TTC6: variants seen among roughly 807,000 people sequenced by gnomAD.
TTC6 encodes tetratricopeptide repeat domain 6, also known as tetratricopeptide repeat protein 6.
TTC6 carries 172 observed loss-of-function variants against 210.4 expected under a neutral mutation model. The observed-to-expected ratio is 0.82, with a 90% confidence interval of 0.72 to 0.93. The LOEUF is 0.93. Among genes scored for constraint, TTC6 ranks in the 40% least tolerant of loss-of-function variants. The pLI is 0.00. For missense variants in TTC6, 2,414 were observed against 2,318.1 expected, an observed-to-expected ratio of 1.04 and a Z score of -0.85; for synonymous variants, 804 against 819.6, an observed-to-expected ratio of 0.98 and a Z score of 0.32.
At chr14:37,747,164 T>C (rs568874093) in intron 10 of TTC6, among the ~76,000 whole-genome samples, 15 of 152,176 alleles carry the variant, frequency 9.9e-5, no homozygotes, top group African/African-American at 3.4e-4. Flanking sequence ...CTGGTGATAT[T>C]TGACAAATTT....
At chr14:37,627,770 G>A (rs1432855813) in intron 1 of TTC6, among the ~76,000 whole-genome samples, 1 of 151,666 alleles carries the variant, frequency 6.6e-6, no homozygotes, top group Non-Finnish European at 1.5e-5. Flanking sequence ...ACATATGTGT[G>A]CATGTGTCTT....
At chr14:37,769,999 T>G (rs1322300222) in intron 14 of TTC6, among the ~76,000 whole-genome samples, 1 of 152,164 alleles carries the variant, frequency 6.6e-6, no homozygotes, top group East Asian at 1.9e-4. Flanking sequence ...TCTGGTATGT[T>G]GTGTCTTTGT....
At chr14:37,684,550 G>A (rs1476226839) in intron 3 of TTC6, among the ~76,000 whole-genome samples, 1 of 152,148 alleles carries the variant, frequency 6.6e-6, no homozygotes, top group East Asian at 1.9e-4. Context: ...ATTGAAATGA[G>A]AAATGTTTCA....
At chr14:37,739,830 G>T (rs1418883751) in intron 10 of TTC6, among the ~76,000 whole-genome samples, 1 of 152,012 alleles carries the variant, frequency 6.6e-6, no homozygotes, top group Non-Finnish European at 1.5e-5. Context: ...AGATATTTAA[G>T]TATTTTTAAA....
At chr14:37,606,878 A>G (rs2095626138) in intron 2 of TTC6, 136 bp downstream of exon 2, 1 of 632,764 alleles carries the variant, frequency 1.6e-6, no homozygotes, top group South Asian at 7.0e-5. Context: ...TCTACAGGAA[A>G]GGCTGCCTAT....
At chr14:37,741,170 CTA>C (rs1230291853) in intron 10 of TTC6, among the ~76,000 whole-genome samples, 2 of 151,188 alleles carry the variant, frequency 1.3e-5, no homozygotes, top group Non-Finnish European at 2.9e-5. Flanking sequence ...TTAATTCAAA[CTA>C]ATTCACCACA....
chr14:37,744,560 C>T (rs944437023), intron 10 of TTC6, among the ~76,000 whole-genome samples: 1 of 152,094 alleles, frequency 6.6e-6, no homozygotes, highest in African/African-American at 2.4e-5. Flanking sequence ...GTGGCTGGAA[C>T]AGAGTGAGTG....
chr14:37,823,725 C>T, intron 26 of TTC6, 22 bp from the exon 29 acceptor site: 1 of 1,600,204 alleles, frequency 6.2e-7, no homozygotes, highest in South Asian at 1.1e-5. Flanking sequence ...CAGAAGGCAT[C>T]AATATTTTTA....
In TTC6 at chr14:37,673,472, C is replaced by G. The variant is rs177905; in HGVS notation, c.940-6679C>G. ...CATAAAAGGGTATATTTTAGAAACACTCTTTTGGCCTATGCTATTTGGGCC... is the reference window on the plus strand; with the variant it reads ...CATAAAAGGGTATATTTTAGAAACAGTCTTTTGGCCTATGCTATTTGGGCC... On this transcript the variant is annotated intron_variant, in intron 1 of 30. Coordinates refer to ENST00000553443, the Ensembl canonical transcript of TTC6. Among the ~76,000 whole-genome samples, 577 of 152,216 alleles carry G rather than the reference C, an allele frequency of 3.8e-3. 8 individuals carry two copies. Among genetic ancestry groups the G allele is most frequent in the African/African-American group, 0.013 (520 of 41,558 alleles).
At chr14:37,659,509 G>GTT (rs1555384347) in intron 1 of TTC6, among the ~76,000 whole-genome samples, 2 of 149,354 alleles carry the variant, frequency 1.3e-5, no homozygotes, top group Non-Finnish European at 3.0e-5. Context: ...TCTCGTTGTC[G>GTT]TTTTATTTTA....
At chr14:37,696,514 T>G (rs1595118296) in intron 3 of TTC6, among the ~76,000 whole-genome samples, 1 of 152,236 alleles carries the variant, frequency 6.6e-6, no homozygotes, top group Middle Eastern at 3.4e-3. Flanking sequence ...AACATGATAC[T>G]AATATTTTTA....
rs1305566963 is a variant in TTC6, at chr14:37,739,456, G to GT, written c.2363+302dup. On this transcript the variant is annotated intron_variant, in intron 10 of 30. Transcript: ENST00000553443. The stretch of plus-strand genomic sequence containing the variant: ...TTGGGCATGGTGGTGTGTGCCTGTA[G>GT]TCCCAGCTACTCAGGAGGCTGAGAA... 6.7e-4 allele frequency among the ~76,000 whole-genome samples: 102 copies of GT among 151,442 alleles called. 1 individual carries two copies. The highest frequency in any genetic ancestry group is 1.8e-4 in the Non-Finnish European group (12 of 67,928).
chr14:37,787,395 A>T, intron 14 of TTC6, 73 bp from the exon 17 acceptor site: 2 of 1,006,494 alleles, frequency 2.0e-6, no homozygotes, highest in Non-Finnish European at 2.7e-6. Flanking sequence ...ATATAAAATT[A>T]GTTGTACAGG....
At chr14:37,618,634 G>C (rs140129324), upstream of TTC6, among the ~76,000 whole-genome samples, 334 of 152,314 alleles carry the variant, frequency 2.2e-3, 1 homozygote, top group African/African-American at 7.8e-3. Context: ...GTAGGAGTGG[G>C]TGGGGGAATA....
At chr14:37,773,176 A>G (rs958156782) in intron 14 of TTC6, among the ~76,000 whole-genome samples, 3 of 152,152 alleles carry the variant, frequency 2.0e-5, no homozygotes, top group African/African-American at 4.8e-5. Context: ...GACCTTTGTC[A>G]GATACACAGT....
chr14:37,691,879 T>A (rs1035025502), intron 3 of TTC6, among the ~76,000 whole-genome samples: 5 of 151,960 alleles, frequency 3.3e-5, no homozygotes, highest in Non-Finnish European at 5.9e-5. Context: ...ATTCAGAGGA[T>A]CATTAGTAGC....
At chr14:37,637,309 T>C (rs2095682865) in intron 1 of TTC6, among the ~76,000 whole-genome samples, 1 of 152,212 alleles carries the variant, frequency 6.6e-6, no homozygotes. Context: ...AATTGAGACA[T>C]TGGACTTTAC....
intron 7 of TTC6, 43 bp downstream of exon 9, chr14:37,725,045 T>TATTTA: frequency 3.7e-6 from 4 of 1,090,964 alleles, no homozygotes; most frequent in Non-Finnish European, 5.1e-6. Flanking sequence ...TTGTTGTTAT[T>TATTTA]ATTTAATAAA....
chr14:37,708,374 T>C (rs1191232612), intron 5 of TTC6, among the ~76,000 whole-genome samples: 2 of 152,056 alleles, frequency 1.3e-5, no homozygotes, highest in African/African-American at 4.8e-5. Flanking sequence ...GTACACTACA[T>C]TTATTATATA....
Sources: gnomAD v4.1 joint callset for allele counts (sites outside exome capture counted in the v4.1 genomes callset) on GRCh38, gnomAD v4.1.1 for gene constraint, MANE v1.5 for transcripts, NCBI Gene and HGNC (gene_info 2026-07-23, HGNC 2026-07-21) for gene names.